Variants in ANO3 observed in about 807,000 individuals in gnomAD.
The protein encoded by ANO3 is anoctamin-3.
In ANO3, 99 loss-of-function variants were observed where a neutral mutation model predicts 144.8. The observed-to-expected ratio is 0.68, with a 90% CI of 0.58 to 0.81. The LOEUF (loss-of-function observed/expected upper bound fraction) is 0.81, where lower values mean the gene tolerates loss of function less well. ANO3 is among the 30% of genes least tolerant of loss of function. The pLI is 0.00. For synonymous variants in ANO3, 414 were observed against 392.6 expected (o/e 1.05, Z -0.64); for missense variants, 905 against 1,202.2 (o/e 0.75, Z 3.66).
intron 6 of ANO3, among the ~76,000 whole-genome samples, chr11:26,522,614 A>G (rs935787691): frequency 6.6e-6 from 1 of 152,218 alleles, no homozygotes; most frequent in Non-Finnish European, 1.5e-5. Context: ...GGAAGATTAT[A>G]GGTAGAAAAG....
chr11:26,306,731 C>T (rs1028673495), upstream of ANO3, among the ~76,000 whole-genome samples: 2 of 152,172 alleles, frequency 1.3e-5, no homozygotes, highest in East Asian at 3.9e-4. Flanking sequence ...TGGAATGGGG[C>T]TATCACATCT....
At chr11:26,350,782 T>G (rs1467739434) in intron 1 of ANO3, among the ~76,000 whole-genome samples, 4 of 152,170 alleles carry the variant, frequency 2.6e-5, no homozygotes, top group East Asian at 3.9e-4. Flanking sequence ...TAGGAATAAT[T>G]TTTTTCTCAA....
intron 1 of ANO3, among the ~76,000 whole-genome samples, chr11:26,340,255 C>G (rs538716230): frequency 1.3e-5 from 2 of 152,124 alleles, no homozygotes; most frequent in African/African-American, 4.8e-5. Flanking sequence ...ACTTTTGCAC[C>G]AACCTAATAT....
At chr11:26,347,378 A>G (rs1855523629) in intron 1 of ANO3, among the ~76,000 whole-genome samples, 1 of 152,228 alleles carries the variant, frequency 6.6e-6, no homozygotes, top group Non-Finnish European at 1.5e-5. Context: ...AACAACAGAT[A>G]TTTATTGGAT....
chr11:26,490,882 A>G (rs1255602607), intron 4 of ANO3, among the ~76,000 whole-genome samples: 1 of 152,216 alleles, frequency 6.6e-6, no homozygotes, highest in Non-Finnish European at 1.5e-5. Context: ...CACCTTGAAC[A>G]GCGTTTTAAT....
intron 1 of ANO3, among the ~76,000 whole-genome samples, chr11:26,208,508 G>A (rs989712470): frequency 1.7e-5 from 2 of 118,868 alleles, no homozygotes; most frequent in African/African-American, 3.4e-5. Context: ...GCAAGACTCC[G>A]TCTCAAAAAA....
intron 14 of ANO3, among the ~76,000 whole-genome samples, chr11:26,590,473 G>T (rs1393017636): frequency 6.6e-6 from 1 of 152,156 alleles, no homozygotes; most frequent in Non-Finnish European, 1.5e-5. Context: ...CAAGATGGTG[G>T]CAGGCCACTC....
chr11:26,366,124 C>T (rs1288594706), intron 1 of ANO3, among the ~76,000 whole-genome samples: 1 of 151,854 alleles, frequency 6.6e-6, no homozygotes, highest in East Asian at 1.9e-4. Context: ...AGGTATATCT[C>T]CTAATGCTAT....
chr11:26,495,040 T>A (rs1018155290), intron 4 of ANO3, among the ~76,000 whole-genome samples: 1 of 152,046 alleles, frequency 6.6e-6, no homozygotes, highest in African/African-American at 2.4e-5. Context: ...ATGATACCCA[T>A]AGGTTAAAAG....
At position 26,274,862 on chromosome 11, in the gene ANO3, G is replaced by C. The variant is rs146620490; in HGVS notation, c.155-34783G>C. Among the ~76,000 whole-genome samples, 10 of 152,026 alleles carry C rather than the reference G, an allele frequency of 6.6e-5. 1 individual carries two copies. The highest frequency in any genetic ancestry group is 2.4e-4 in the African/African-American group (10 of 41,494). ...CTTCAACTATCAATTTATCTGTATG[G>C]ATATGAAAGGAAACACAACAAAGCA... On this transcript the variant is annotated intron_variant, in intron 1 of 27. Coordinates refer to the ANO3 transcript ENST00000672621.
intron 1 of ANO3, among the ~76,000 whole-genome samples, chr11:26,439,302 TA>T (rs1858426957): frequency 6.6e-6 from 1 of 151,644 alleles, no homozygotes; most frequent in Non-Finnish European, 1.5e-5. Flanking sequence ...CACAAACAAC[TA>T]AAGAAAAAAA....
Position 26,443,835 on chromosome 11 carries a change from G to C in ANO3, c.312G>C (p.Leu104Phe), listed in dbSNP as rs753890624. ...CSFADLSDFCLALGKDKDYTD... is the reference protein window; with the variant it reads ...CSFADLSDFCFALGKDKDYTD... ...TTGCTGACCTCAGCGATTTTTGTTT[G>C]GGTAAGTTGATAATCAGTATTTACC... Residue 104 changes from leucine to phenylalanine, a missense_variant and splice_region_variant, in exon 3 of 27, where the codon TTG becomes TTC. Coordinates refer to ENST00000256737, the MANE Select transcript of ANO3 (RefSeq NM_031418.4). The C allele has an allele frequency of 6.2e-7, 1 of 1,609,202 alleles. No individual in the cohort carries two copies. The highest frequency in any genetic ancestry group is 1.3e-5 in the African/African-American group (1 of 74,688).
chr11:26,594,231 A>C (rs993031382), intron 14 of ANO3, among the ~76,000 whole-genome samples: 1 of 151,886 alleles, frequency 6.6e-6, no homozygotes, highest in Non-Finnish European at 1.5e-5. Context: ...CCATCTTCTG[A>C]TTTTGCGTCC....
intron 1 of ANO3, among the ~76,000 whole-genome samples, chr11:26,220,654 G>A (rs66510770): frequency 0.3 from 46,032 of 152,096 alleles, 7,709 homozygotes; most frequent in Non-Finnish European, 0.37. Flanking sequence ...TCAGGGACAG[G>A]TTTCTTATCA....
chr11:26,403,126 T>C (rs368349443), intron 1 of ANO3, among the ~76,000 whole-genome samples: 5 of 152,130 alleles, frequency 3.3e-5, no homozygotes, highest in African/African-American at 1.2e-4. Context: ...GTGTGGTTTA[T>C]CCTGTTACTT....
chr11:26,367,706 T>G (rs1305131816), intron 1 of ANO3, among the ~76,000 whole-genome samples: 1 of 152,182 alleles, frequency 6.6e-6, no homozygotes, highest in African/African-American at 2.4e-5. Flanking sequence ...TGGCTTGTAG[T>G]TCTGCAGGCT....
intron 3 of ANO3, among the ~76,000 whole-genome samples, chr11:26,448,320 G>T (rs7109872): frequency 0.68 from 100,068 of 146,864 alleles, 35,749 homozygotes; most frequent in Admixed American, 0.81. Flanking sequence ...AAAAAAGAAA[G>T]AAATATTTAG....
At chr11:26,472,755 C>T (rs1004285570) in intron 4 of ANO3, among the ~76,000 whole-genome samples, 2 of 151,874 alleles carry the variant, frequency 1.3e-5, no homozygotes, top group African/African-American at 4.8e-5. Flanking sequence ...CCCTAGCTTG[C>T]GGCTTATAGC....
chr11:26,449,544 C>A (rs1858842240), intron 3 of ANO3, among the ~76,000 whole-genome samples: 1 of 151,016 alleles, frequency 6.6e-6, no homozygotes, highest in Non-Finnish European at 1.5e-5. Context: ...TTTGGAGAGT[C>A]TGCTATAGAA....
Sources: allele counts gnomAD v4.1 joint callset (sites outside exome capture counted in the v4.1 genomes callset), GRCh38; gene constraint gnomAD v4.1.1; transcripts MANE v1.5; gene names NCBI Gene and HGNC (gene_info 2026-07-23, HGNC 2026-07-21).